ZNF407: variants seen among roughly 807,000 people sequenced by gnomAD.
ZNF407 encodes the protein zinc finger protein 407.
A neutral mutation model predicts 131.2 loss-of-function variants in ZNF407; 17 were observed. The observed-to-expected ratio is 0.13, with a 90% confidence interval of 0.09 to 0.19. ZNF407 has a LOEUF of 0.19. ZNF407 is among the 10% of genes least tolerant of loss of function. The pLI, the probability that ZNF407 is intolerant of heterozygous loss-of-function variation, is 1.00. For missense variants in ZNF407, 2,681 were observed against 2,830.6 expected (o/e 0.95, Z 1.20); for synonymous variants, 1,156 against 1,062.0 (o/e 1.09, Z -1.72).
At chr18:74,671,546 G>T (rs1456173408) in intron 3 of ZNF407, among the ~76,000 whole-genome samples, 1 of 151,550 alleles carries the variant, frequency 6.6e-6, no homozygotes, top group Non-Finnish European at 1.5e-5. Flanking sequence ...AATGTCTTTT[G>T]TTCCTTTTTT....
At chr18:74,641,204 A>C in intron 3 of ZNF407, 82 bp downstream of exon 3, 1 of 1,097,522 alleles carries the variant, frequency 9.1e-7, no homozygotes, top group Non-Finnish European at 1.4e-6. Context: ...CAAAACCGAT[A>C]GGAGTAAGAG....
chr18:74,927,054 T>G (rs1431073304), intron 8 of ZNF407, among the ~76,000 whole-genome samples: 1 of 152,238 alleles, frequency 6.6e-6, no homozygotes, highest in Admixed American at 6.5e-5. Context: ...AATGAAGAAC[T>G]CTGTTTTTCA....
intron 4 of ZNF407, among the ~76,000 whole-genome samples, chr18:74,828,970 C>T (rs1970446641): frequency 6.6e-6 from 1 of 152,172 alleles, no homozygotes; most frequent in African/African-American, 2.4e-5. Context: ...CTATAACTGA[C>T]AAATCAGACA....
At chr18:74,820,560 T>C (rs1161222540) in intron 4 of ZNF407, among the ~76,000 whole-genome samples, 1 of 152,232 alleles carries the variant, frequency 6.6e-6, no homozygotes, top group Non-Finnish European at 1.5e-5. Context: ...GGACTACTGC[T>C]TGATCAACTT....
At chr18:74,674,777 T>A (rs894971600) in intron 3 of ZNF407, among the ~76,000 whole-genome samples, 1 of 152,172 alleles carries the variant, frequency 6.6e-6, no homozygotes, top group African/African-American at 2.4e-5. Context: ...TGAGTTAGTG[T>A]GGCTATGTTT....
At chr18:74,948,640 TTCTC>T (rs1972180794) in intron 8 of ZNF407, among the ~76,000 whole-genome samples, 1 of 152,188 alleles carries the variant, frequency 6.6e-6, no homozygotes. Flanking sequence ...AAAAAAATAA[TTCTC>T]TCTCATCACA....
rs1984061278 is a variant in ZNF407 at position 74,631,342 on chromosome 18, T to C, written c.323T>C (p.Leu108Ser). The change falls in exon 2 of 9, where the codon TTA (leucine) becomes TCA (serine). Residue 108 changes from leucine (L) to serine (S), a missense_variant. Leu to Ser is a moderately radical substitution (Grantham distance 145, BLOSUM62 -2). This residue lies in a region of ZNF407 where 1,789 missense variants were observed against 1,748.7 expected (regional missense o/e 1.02). Coordinates refer to ENST00000299687, the MANE Select transcript of ZNF407 (RefSeq NM_017757.3). ...ESSVTEGGIA[L>S]DETGKETFLS... ...TCAGTCACAGAAGGGGGTATTGCAT[T>C]AGATGAAACAGGGAAGGAGACCTTT... is the stretch of plus-strand genomic sequence containing the variant. 2 of 1,613,898 alleles carry C rather than the reference T, an allele frequency of 1.2e-6. No homozygotes were observed. The highest frequency in any genetic ancestry group is 2.2e-5 in the South Asian group (2 of 91,080).
chr18:74,806,035 A>T (rs571310884), intron 4 of ZNF407, among the ~76,000 whole-genome samples: 1 of 152,204 alleles, frequency 6.6e-6, no homozygotes, highest in Non-Finnish European at 1.5e-5. Flanking sequence ...GAGTTTTTAA[A>T]TGATTTATCC....
At chr18:74,914,502 ACT>A (rs1484832711) in intron 7 of ZNF407, among the ~76,000 whole-genome samples, 1 of 151,492 alleles carries the variant, frequency 6.6e-6, no homozygotes, top group Non-Finnish European at 1.5e-5. Context: ...GCTTTTACCA[ACT>A]CTCTGACTTC....
At chr18:75,056,012 TG>T (rs1973557936) in intron 8 of ZNF407, among the ~76,000 whole-genome samples, 1 of 152,238 alleles carries the variant, frequency 6.6e-6, no homozygotes, top group Admixed American at 6.5e-5. Context: ...CGTCATGAAA[TG>T]CGGGGCATGG....
chr18:74,801,781 T>C (rs554017057), intron 4 of ZNF407, among the ~76,000 whole-genome samples: 71 of 152,192 alleles, frequency 4.7e-4, no homozygotes, highest in African/African-American at 1.7e-3. Context: ...CTATAACCTC[T>C]TTCAGTTACC....
At chr18:74,898,068 A>C (rs1239205472) in intron 7 of ZNF407, 1 of 152,176 alleles carries the variant, frequency 6.6e-6, no homozygotes. Context: ...CTGTAGAAAA[A>C]ATGTGAAAGA....
chr18:74,728,155 G>T (rs891672591), intron 3 of ZNF407, among the ~76,000 whole-genome samples: 2 of 152,182 alleles, frequency 1.3e-5, no homozygotes, highest in South Asian at 4.1e-4. Flanking sequence ...TTGGATAAGA[G>T]TATAGCAATG....
intron 3 of ZNF407, among the ~76,000 whole-genome samples, chr18:74,771,435 T>G (rs1969357554): frequency 6.6e-6 from 1 of 152,134 alleles, no homozygotes; most frequent in South Asian, 2.1e-4. Flanking sequence ...TGAGAAAAAT[T>G]CTTTCCTGAA....
intron 8 of ZNF407, among the ~76,000 whole-genome samples, chr18:74,929,152 A>AT (rs940075612): frequency 1.3e-5 from 2 of 152,190 alleles, no homozygotes; most frequent in Admixed American, 1.3e-4. Context: ...TTTTAAAGTG[A>AT]TTTTTAACTT....
At chr18:74,908,086 A>G (rs1183916528) in intron 7 of ZNF407, among the ~76,000 whole-genome samples, 1 of 152,092 alleles carries the variant, frequency 6.6e-6, no homozygotes, top group Non-Finnish European at 1.5e-5. Flanking sequence ...AATCAATGGA[A>G]CCCATTTTGG....
intron 8 of ZNF407, among the ~76,000 whole-genome samples, chr18:75,024,600 A>C (rs1241117885): frequency 6.6e-6 from 1 of 152,226 alleles, no homozygotes; most frequent in Non-Finnish European, 1.5e-5. Flanking sequence ...GATGAATTTA[A>C]AGCTCTGTGT....
chr18:74,612,889 CAG>C (rs953763249), intron 1 of ZNF407, among the ~76,000 whole-genome samples: 1 of 152,044 alleles, frequency 6.6e-6, no homozygotes, highest in Non-Finnish European at 1.5e-5. Flanking sequence ...CTGAGAGAGA[CAG>C]AGGGAAGAAA....
At chr18:74,679,751 C>G (rs752563815) in intron 3 of ZNF407, among the ~76,000 whole-genome samples, 4 of 152,200 alleles carry the variant, frequency 2.6e-5, no homozygotes, top group Non-Finnish European at 5.9e-5. Flanking sequence ...TTACACAGGA[C>G]AAACATAATT....
Sources: gnomAD v4.1 joint callset for allele counts (sites outside exome capture counted in the v4.1 genomes callset) on GRCh38, gnomAD v4.1.1 for gene constraint, gnomAD v4.1.1 regional missense constraint, MANE v1.5 for transcripts, NCBI Gene and HGNC (gene_info 2026-07-23, HGNC 2026-07-21) for gene names.